Variants in CPPED1 observed in about 807,000 individuals in gnomAD.
CPPED1 encodes serine/threonine-protein phosphatase CPPED1.
In CPPED1, 28 loss-of-function variants were observed where a neutral mutation model predicts 28.0. The ratio of observed to expected loss-of-function variants is 1.00; its 90% CI spans 0.74 to 1.37. The LOEUF (loss-of-function observed/expected upper bound fraction) is 1.37. CPPED1 is among the 40% of genes most tolerant of loss of function. The pLI, the probability that CPPED1 is intolerant of heterozygous loss-of-function variation, is 0.00. For missense variants in CPPED1, 504 were observed against 416.5 expected (o/e 1.21, Z -1.83); for synonymous variants, 198 against 180.2 (o/e 1.10, Z -0.79).
intron 3 of CPPED1, among the ~76,000 whole-genome samples, chr16:12,695,228 A>G (rs895682828): frequency 1.3e-5 from 2 of 152,214 alleles, no homozygotes; most frequent in Non-Finnish European, 2.9e-5. Context: ...TGTTAAATTA[A>G]GTTGAGGCTC....
intron 2 of CPPED1, among the ~76,000 whole-genome samples, chr16:12,719,597 A>C (rs1844242000): frequency 6.6e-6 from 1 of 152,136 alleles, no homozygotes; most frequent in South Asian, 2.1e-4. Context: ...ACCTATATAT[A>C]GGATTTGATT....
intron 2 of CPPED1, among the ~76,000 whole-genome samples, chr16:12,724,855 C>T (rs549581470): frequency 1.1e-4 from 17 of 152,154 alleles, no homozygotes; most frequent in African/African-American, 4.1e-4. Context: ...GGCGTGATCT[C>T]GGCTCACCGC....
At chr16:12,699,949 T>C (rs1326038581) in intron 3 of CPPED1, among the ~76,000 whole-genome samples, 2 of 152,202 alleles carry the variant, frequency 1.3e-5, no homozygotes, top group African/African-American at 2.4e-5. Flanking sequence ...CCTGAGCCGC[T>C]TTCTGCATAA....
At chr16:12,746,361 A>C (rs902233893) in intron 2 of CPPED1, among the ~76,000 whole-genome samples, 9 of 146,874 alleles carry the variant, frequency 6.1e-5, no homozygotes, top group Non-Finnish European at 1.4e-4. Context: ...GCGACAGAGC[A>C]AGACTCTGAC....
chr16:12,764,698 T>C (rs2080429283), intron 2 of CPPED1, among the ~76,000 whole-genome samples: 1 of 152,190 alleles, frequency 6.6e-6, no homozygotes, highest in Non-Finnish European at 1.5e-5. Flanking sequence ...TGCTCCAGTT[T>C]CAACGGAGCC....
At chr16:12,767,429 T>A (rs2080445963) in intron 2 of CPPED1, among the ~76,000 whole-genome samples, 1 of 152,144 alleles carries the variant, frequency 6.6e-6, no homozygotes, top group African/African-American at 2.4e-5. Flanking sequence ...AATCATGTCT[T>A]CTCAGCTATC....
At chr16:12,791,420 T>G (rs988219470) in intron 1 of CPPED1, among the ~76,000 whole-genome samples, 1 of 152,150 alleles carries the variant, frequency 6.6e-6, no homozygotes, top group African/African-American at 2.4e-5. Context: ...GCTGCACATC[T>G]TTCTTTAAGA....
intron 1 of CPPED1, among the ~76,000 whole-genome samples, chr16:12,793,436 C>T (rs1292062276): frequency 6.6e-6 from 1 of 152,138 alleles, no homozygotes; most frequent in Non-Finnish European, 1.5e-5. Flanking sequence ...TAACTGAGTT[C>T]CAGTGGAGCT....
At chr16:12,767,064 T>C (rs2080444053) in intron 2 of CPPED1, among the ~76,000 whole-genome samples, 1 of 151,974 alleles carries the variant, frequency 6.6e-6, no homozygotes, top group African/African-American at 2.4e-5. Flanking sequence ...CAATAGGAGA[T>C]ACACAGATAT....
At chr16:12,760,568 G>A (rs978068531) in intron 2 of CPPED1, 2 of 151,994 alleles carry the variant, frequency 1.3e-5, no homozygotes, top group African/African-American at 4.8e-5. Flanking sequence ...TGCTACTGGG[G>A]GCCTGCTGTT....
rs1396454890 is a variant in CPPED1, at chr16:12,781,406, T to TA, written c.71-4dup. On this transcript the variant is annotated splice_polypyrimidine_tract_variant and splice_region_variant and intron_variant, in intron 1 of 3. Transcript: ENST00000381774. ...GCCTTTCCATTCGCTTTCCTTTTCTTAAAAAAAGAGAGAGGGAGAAAGAAG... is the reference window on the plus strand; with the variant it reads ...GCCTTTCCATTCGCTTTCCTTTTCTTAAAAAAAAGAGAGAGGGAGAAAGAAG... The TA allele has an allele frequency of 6.2e-7, 1 of 1,609,350 alleles. No homozygotes were observed.
At chr16:12,753,670 C>T (rs898942485) in intron 2 of CPPED1, among the ~76,000 whole-genome samples, 3 of 152,176 alleles carry the variant, frequency 2.0e-5, no homozygotes, top group Non-Finnish European at 4.4e-5. Flanking sequence ...TAAATTCCCC[C>T]TTCCTCAGAA....
intron 3 of CPPED1, among the ~76,000 whole-genome samples, chr16:12,691,855 C>A: frequency 6.8e-6 from 1 of 147,534 alleles, no homozygotes; most frequent in Non-Finnish European, 1.5e-5. Context: ...GGAGACATGC[C>A]TAATGTTAAA....
Position 12,785,638 on chromosome 16 carries a change from G to C in CPPED1, c.71-4235C>G, listed in dbSNP as rs184395574. Among the ~76,000 whole-genome samples the C allele has an allele frequency of 1.8e-4, 27 of 152,092 alleles. No homozygotes were observed. The East Asian group carries it at 4.3e-3, about 24-fold the overall frequency. ...AGACGGGGTTTCGCCATGTTGGCCAGGCTGGTCTCAAGCTCCTGGCCTCAA... is the reference window on the plus strand; with the variant it reads ...AGACGGGGTTTCGCCATGTTGGCCACGCTGGTCTCAAGCTCCTGGCCTCAA... On this transcript the variant is annotated intron_variant, in intron 1 of 3. Coordinates refer to ENST00000381774, the MANE Select transcript of CPPED1 (RefSeq NM_018340.3).
chr16:12,676,859 C>T (rs2079880334), intron 3 of CPPED1, among the ~76,000 whole-genome samples: 1 of 152,164 alleles, frequency 6.6e-6, no homozygotes, highest in African/African-American at 2.4e-5. Flanking sequence ...TCCCACAATT[C>T]CTCCATGAAG....
At chr16:12,766,063 A>C (rs1457662303) in intron 2 of CPPED1, among the ~76,000 whole-genome samples, 1 of 151,950 alleles carries the variant, frequency 6.6e-6, no homozygotes, top group East Asian at 1.9e-4. Flanking sequence ...AGCTAGAAAG[A>C]CACTCGCTTT....
Position 12,665,034 on chromosome 16 carries a change from G to A in CPPED1, c.797C>T (p.Ala266Val), listed in dbSNP as rs1309884640. 2.5e-6 allele frequency: 4 copies of A among 1,609,972 alleles called. No homozygotes were observed. The highest frequency in any genetic ancestry group is 1.3e-5 in the African/African-American group (1 of 74,426). The change falls in exon 4 of 4, where the codon GCC becomes GTC. Residue 266 changes from alanine to valine, a missense_variant. Ala to Val is a moderately conservative substitution (Grantham distance 64). Transcript: ENST00000381774. The part of the protein sequence containing the change: ...YQNLDMVVSS[A>V]IGCQLGRDPH... The stretch of plus-strand genomic sequence containing the variant: ...GTCTCTGCCCAGCTGGCATCCAATG[G>A]CAGATGACACCACCATGTCGAGGTT...
chr16:12,764,075 C>T (rs2080425371), intron 2 of CPPED1, among the ~76,000 whole-genome samples: 1 of 151,442 alleles, frequency 6.6e-6, no homozygotes, highest in African/African-American at 2.4e-5. Flanking sequence ...GCAAGTGTAC[C>T]CATACTTGAC....
At chr16:12,675,131 C>T (rs897251741) in intron 3 of CPPED1, among the ~76,000 whole-genome samples, 3 of 152,292 alleles carry the variant, frequency 2.0e-5, no homozygotes, top group East Asian at 3.9e-4. Flanking sequence ...ATTCACAACT[C>T]GATGGAGGTA....
Sources: gnomAD v4.1 joint callset for allele counts (sites outside exome capture counted in the v4.1 genomes callset) on GRCh38, gnomAD v4.1.1 for gene constraint, MANE v1.5 for transcripts, NCBI Gene and HGNC (gene_info 2026-07-23, HGNC 2026-07-21) for gene names.